CFAP20DC: variants seen among roughly 807,000 people sequenced by gnomAD.
The protein encoded by CFAP20DC is CFAP20 domain containing.
CFAP20DC carries 84 observed loss-of-function variants against 101.7 expected under a neutral mutation model. That is an observed-to-expected ratio of 0.83 (90% confidence interval 0.69 to 0.99). CFAP20DC has a LOEUF of 0.99. CFAP20DC is among the 50% of genes least tolerant of loss of function. The pLI is 0.00. For missense variants in CFAP20DC, 1,007 were observed against 970.3 expected, an observed-to-expected ratio of 1.04 and a Z score of -0.50; for synonymous variants, 359 against 351.2, an observed-to-expected ratio of 1.02 and a Z score of -0.25.
Position 58,913,459 on chromosome 3 carries a change from T to G in CFAP20DC, c.550+249A>C, listed in dbSNP as rs2084351759. The G allele has an allele frequency of 1.7e-6, 1 of 601,196 alleles. No individual in the cohort carries two copies. Among genetic ancestry groups the G allele is most frequent in the African/African-American group, 1.9e-5 (1 of 53,892 alleles). 37.2% of individuals were successfully genotyped at this position (601,196 alleles called of 1,614,324 possible). ...TTGTAACTAAGGAGCCTAAGACAGA[T>G]AGCAAGTGTTACCATAAAGAAAAAA... is the stretch of plus-strand genomic sequence containing the variant. On this transcript the variant is annotated intron_variant, in intron 6 of 16. Coordinates refer to ENST00000482387, the MANE Select transcript of CFAP20DC (RefSeq NM_001394063.1). This position sits in a 1 kb window ranked among gnomAD's most constrained non-coding sequence, Gnocchi z 4.4.
chr3:58,846,675 A>C (rs1476685390), intron 13 of CFAP20DC, among the ~76,000 whole-genome samples: 1 of 151,904 alleles, frequency 6.6e-6, no homozygotes, highest in African/African-American at 2.4e-5. Context: ...TTTAAAGTTT[A>C]TATGGAACCA....
At chr3:58,796,527 A>C (rs992451265) in intron 15 of CFAP20DC, among the ~76,000 whole-genome samples, 1 of 152,192 alleles carries the variant, frequency 6.6e-6, no homozygotes, top group South Asian at 2.1e-4. Context: ...CAAGTGCTTT[A>C]AACGTTTATT....
chr3:58,821,073 G>C (rs1389874332), intron 14 of CFAP20DC, among the ~76,000 whole-genome samples: 1 of 151,754 alleles, frequency 6.6e-6, no homozygotes, highest in Non-Finnish European at 1.5e-5. Flanking sequence ...AATGGTGCTG[G>C]GAAAACTGGC....
In CFAP20DC at chr3:58,765,490, C is replaced by CAA. The variant is rs1337049385; in HGVS notation, c.2238-11629_2238-11628dup. Among the ~76,000 whole-genome samples, 263 of 81,748 alleles carry CAA rather than the reference C, an allele frequency of 3.2e-3. 1 individual carries two copies. Among genetic ancestry groups the CAA allele is most frequent in the African/African-American group, 6.2e-3 (141 of 22,714 alleles). 53.6% of individuals were successfully genotyped at this position (81,748 alleles called of 152,430 possible). On this transcript the variant is annotated intron_variant, in intron 15 of 16. Transcript: ENST00000482387. Reference sequence around the variant, plus strand: ...TCTAGCCAAAAAAAAAAAAAAAAACCAAAAAAAAAAAAAAAAACAAACAGA... The same window carrying CAA: ...TCTAGCCAAAAAAAAAAAAAAAAACCAAAAAAAAAAAAAAAAAAACAAACAGA...
chr3:58,926,237 C>T (rs1224648187), intron 5 of CFAP20DC, among the ~76,000 whole-genome samples: 1 of 151,446 alleles, frequency 6.6e-6, no homozygotes, highest in African/African-American at 2.4e-5. Flanking sequence ...GTGATGGCAG[C>T]CGCCTATAGT....
Position 59,015,564 on chromosome 3 carries a change from G to A in CFAP20DC, c.278+23993C>T, listed in dbSNP as rs941392722. On this transcript the variant is annotated intron_variant, in intron 4 of 16. Coordinates refer to ENST00000482387, the MANE Select transcript of CFAP20DC (RefSeq NM_001394063.1). The surrounding 1 kb of genome is among the most constrained non-coding windows in gnomAD (Gnocchi z 5.4). ...GAAAAGAAGGAAAGAGGAAGGAGGA[G>A]GGTTGGAGGGTGGAGGAGGAAGAAG... Among the ~76,000 whole-genome samples, 25 of 150,366 alleles carry A rather than the reference G, an allele frequency of 1.7e-4. No individual in the cohort carries two copies. The highest frequency in any genetic ancestry group is 3.3e-4 in the Non-Finnish European group (22 of 67,554).
At chr3:58,962,822 GA>G (rs1383624644) in intron 4 of CFAP20DC, among the ~76,000 whole-genome samples, 3 of 152,046 alleles carry the variant, frequency 2.0e-5, no homozygotes, top group African/African-American at 7.2e-5. Context: ...AGTCTCTCCA[GA>G]ATGTGAGCAC....
chr3:58,978,765 A>T (rs1044414415), intron 4 of CFAP20DC, among the ~76,000 whole-genome samples: 3 of 151,868 alleles, frequency 2.0e-5, no homozygotes, highest in Non-Finnish European at 4.4e-5. Flanking sequence ...ACAAAGAAAT[A>T]TGAGGGAGAT....
At chr3:58,749,330 T>C (rs2068414502) in intron 16 of CFAP20DC, among the ~76,000 whole-genome samples, 1 of 152,132 alleles carries the variant, frequency 6.6e-6, no homozygotes, top group East Asian at 1.9e-4. Flanking sequence ...AATTCCTCTG[T>C]TGGAGAAGAG....
In CFAP20DC at chr3:58,863,923, A is replaced by G. The variant is rs781443002; in HGVS notation, c.1259-31T>C. 6 of 1,567,906 alleles carry G rather than the reference A, an allele frequency of 3.8e-6. No homozygotes were observed. The Middle Eastern group carries it at 8.7e-4, about 228-fold the overall frequency. Reference sequence around the variant, plus strand: ...AGTTGGAAAAGATGACAAAAATTAGAGCAGTAATCCATAAAAGTGTTATTT... The same window carrying G: ...AGTTGGAAAAGATGACAAAAATTAGGGCAGTAATCCATAAAAGTGTTATTT... On this transcript the variant is annotated intron_variant, in intron 11 of 16. Coordinates refer to ENST00000482387, the MANE Select transcript of CFAP20DC (RefSeq NM_001394063.1). The surrounding 1 kb of genome is among the most constrained non-coding windows in gnomAD (Gnocchi z 5.9).
At chr3:58,967,011 C>G (rs1369757299) in intron 4 of CFAP20DC, among the ~76,000 whole-genome samples, 1 of 152,080 alleles carries the variant, frequency 6.6e-6, no homozygotes, top group Non-Finnish European at 1.5e-5. Context: ...GAGAAACTGA[C>G]AAGCTGATTC....
chr3:58,936,149 T>G (rs1005681569), intron 5 of CFAP20DC, among the ~76,000 whole-genome samples: 1 of 152,186 alleles, frequency 6.6e-6, no homozygotes, highest in Admixed American at 6.5e-5. Flanking sequence ...AAGACATTTA[T>G]GCAGCCAAAA....
In CFAP20DC at chr3:58,933,412, C is replaced by A. The variant is rs959435545; in HGVS notation, c.393+4236G>T. On this transcript the variant is annotated intron_variant, in intron 5 of 16. Transcript: ENST00000482387. ...CCCAGGAATTGAACTCAGCTCTGCA[C>A]CAAGCGGACCTAATAGACATCTACA... Among the ~76,000 whole-genome samples, 12 of 151,898 alleles carry A rather than the reference C, an allele frequency of 7.9e-5. No homozygotes were observed. In the East Asian group the frequency reaches 2.1e-3, roughly 27 times the overall value.
chr3:58,731,155 T>A (rs1240397312), intron 3 of CFAP20DC, among the ~76,000 whole-genome samples: 1 of 152,256 alleles, frequency 6.6e-6, no homozygotes, highest in African/African-American at 2.4e-5. Flanking sequence ...TTCGTGGATG[T>A]GGCTGTATCC....
At chr3:58,860,015 A>G (rs2079115968) in intron 12 of CFAP20DC, among the ~76,000 whole-genome samples, 1 of 151,874 alleles carries the variant, frequency 6.6e-6, no homozygotes, top group Non-Finnish European at 1.5e-5. Context: ...CGTCTCTACT[A>G]AAAATACAAA....
chr3:58,969,529 T>C (rs1324938846), intron 4 of CFAP20DC, among the ~76,000 whole-genome samples: 1 of 152,188 alleles, frequency 6.6e-6, no homozygotes, highest in Non-Finnish European at 1.5e-5. Context: ...GAATTGTTCA[T>C]AGCAGCATTA....
chr3:58,923,315 T>A (rs1333107914), intron 5 of CFAP20DC, among the ~76,000 whole-genome samples: 2 of 152,242 alleles, frequency 1.3e-5, no homozygotes, highest in Admixed American at 1.3e-4. Context: ...TTACTGGCAT[T>A]CTTTGTTCTT....
chr3:58,883,772 C>T lies in CFAP20DC; in HGVS notation c.715+773G>A, dbSNP rs529416009. On this transcript the variant is annotated intron_variant, in intron 7 of 16. Coordinates refer to ENST00000482387, the MANE Select transcript of CFAP20DC (RefSeq NM_001394063.1). Reference sequence around the variant, plus strand: ...TCCTAGACCAATTAAATCAGAATCCCTGGGGCATAGACATCAGAAAAAAAA... The same window carrying T: ...TCCTAGACCAATTAAATCAGAATCCTTGGGGCATAGACATCAGAAAAAAAA... Among the ~76,000 whole-genome samples the T allele has an allele frequency of 8.5e-5, 13 of 152,166 alleles. No homozygotes were observed. The South Asian group carries it at 1.5e-3, about 17-fold the overall frequency.
At chr3:58,785,092 TTC>T (rs1436745921) in intron 15 of CFAP20DC, among the ~76,000 whole-genome samples, 1 of 152,142 alleles carries the variant, frequency 6.6e-6, no homozygotes, top group African/African-American at 2.4e-5. Flanking sequence ...TATACTATTG[TTC>T]TCTTTTATGG....
Sources: gnomAD v4.1 joint callset for allele counts (sites outside exome capture counted in the v4.1 genomes callset) on GRCh38, gnomAD v4.1.1 for gene constraint, Gnocchi (gnomAD v3.1) non-coding constraint, MANE v1.5 for transcripts, NCBI Gene and HGNC (gene_info 2026-07-23, HGNC 2026-07-21) for gene names.